Variants in CCDC127 observed in about 807,000 individuals in gnomAD.
The protein encoded by CCDC127 is coiled-coil domain containing 127, also known as coiled-coil domain-containing protein 127.
CCDC127 carries 2 observed loss-of-function variants against 4.1 expected under a neutral mutation model. That is an observed-to-expected ratio of 0.49 (90% CI 0.20 to 1.53). CCDC127 has a LOEUF of 1.53. CCDC127 is among the 40% of genes most tolerant of loss of function. The probability of loss-of-function intolerance (pLI) is 0.23; values close to 1 mark genes in which losing one functional copy is unlikely to be tolerated. For missense variants in CCDC127, 271 were observed against 322.9 expected (o/e 0.84, Z 1.23); for synonymous variants, 98 against 120.4 (o/e 0.81, Z 1.22).
At position 202,988 on chromosome 5, in the gene CCDC127, T is replaced by C. The variant is rs1385141789; in HGVS notation, c.*2309A>G. On this transcript the variant is annotated 3_prime_UTR_variant, in exon 3 of 3. Coordinates refer to ENST00000296824, the MANE Select transcript of CCDC127 (RefSeq NM_145265.3). Reference sequence around the variant, plus strand: ...TGGCCCACACCTGTAATCCCAGTGCTGTGGGAGGCCGAGGTGGGGGCGGTG... The same window carrying C: ...TGGCCCACACCTGTAATCCCAGTGCCGTGGGAGGCCGAGGTGGGGGCGGTG... 1 of 152,186 alleles carries C rather than the reference T, an allele frequency of 6.6e-6. No homozygotes were observed. The allele number at this position is 152,186 out of a possible 1,614,324, so 9.4% of individuals were successfully genotyped here.
Position 197,318 on chromosome 5 carries a change from G to A in CCDC127, c.*7979C>T, listed in dbSNP as rs116577602. ...TCTCTCTCAACTGCAAGAGGCTTTC[G>A]TCTTTTACTAACCCATGTCAGCACA... On this transcript the variant is annotated 3_prime_UTR_variant, in exon 3 of 3. Transcript: ENST00000296824. The A allele has an allele frequency of 5.3e-5, 8 of 152,166 alleles. No homozygotes were observed. The highest frequency in any genetic ancestry group is 1.3e-4 in the Admixed American group (2 of 15,278). The allele number at this position is 152,166 out of a possible 1,614,324, so 9.4% of individuals were successfully genotyped here.
intron 2 of CCDC127, among the ~76,000 whole-genome samples, chr5:211,283 C>G (rs1734281969): frequency 8.9e-6 from 1 of 112,846 alleles, no homozygotes; most frequent in Non-Finnish European, 1.8e-5. Flanking sequence ...GCAGTGTGAG[C>G]ACACTGATGC....
At chr5:210,762 G>A (rs1163294321) in intron 2 of CCDC127, among the ~76,000 whole-genome samples, 1 of 121,602 alleles carries the variant, frequency 8.2e-6, no homozygotes, top group African/African-American at 3.3e-5. Flanking sequence ...TGAGATGCTC[G>A]ACATTGCACA....
At chr5:206,028 T>C in intron 2 of CCDC127, 70 bp from the exon 3 acceptor site, 1 of 1,362,068 alleles carries the variant, frequency 7.3e-7, no homozygotes, top group Admixed American at 2.1e-5. Flanking sequence ...CTCACTTAAA[T>C]CATAAGGCAG....
chr5:217,852 G>A (rs1173711719), intron 1 of CCDC127, among the ~76,000 whole-genome samples: 1 of 152,226 alleles, frequency 6.6e-6, no homozygotes, highest in Non-Finnish European at 1.5e-5. Context: ...TTGTTTACAT[G>A]TGACCTCCAC....
At chr5:210,520 C>T (rs1363209592) in intron 2 of CCDC127, among the ~76,000 whole-genome samples, 1 of 152,180 alleles carries the variant, frequency 6.6e-6, no homozygotes, top group Non-Finnish European at 1.5e-5. Context: ...ACGCTGATGG[C>T]AATGAGCACG....
chr5:205,395 G>GGC lies in CCDC127; in HGVS notation c.683_684dup (p.Gln229AlafsTer20). 2 of 1,614,218 alleles carry GGC rather than the reference G, an allele frequency of 1.2e-6. No individual in the cohort carries two copies. Among genetic ancestry groups the GGC allele is most frequent in the Non-Finnish European group, 1.7e-6 (2 of 1,180,048 alleles). On this transcript the variant is annotated frameshift_variant, in exon 3 of 3. Transcript: ENST00000296824. LOFTEE classifies it high-confidence loss of function. ...TAGAGCCACATGAGTCTGCCATTCT[G>GGC]GCGTTTGTTGGTGTTCCAGACATCA...
rs988802950 is a variant in CCDC127, at chr5:202,196, C to A, written c.*3101G>T. The A allele has an allele frequency of 6.6e-6, 1 of 152,280 alleles. No individual in the cohort carries two copies. Among genetic ancestry groups the A allele is most frequent in the Non-Finnish European group, 1.5e-5 (1 of 68,064 alleles). 9.4% of individuals were successfully genotyped at this position (152,280 alleles called of 1,614,324 possible). A position where few individuals can be genotyped will look rare whatever the true frequency, so the allele number is the denominator to read the frequency against. On this transcript the variant is annotated 3_prime_UTR_variant, in exon 3 of 3. Transcript: ENST00000296824. ...TAACTATTCCAAACCGACCACAATC[C>A]ATTTCAAAAGAGGGTGGCCTCACAT...
chr5:205,491 C>T lies in CCDC127; in HGVS notation c.589G>A (p.Asp197Asn), dbSNP rs144601308. The T allele has an allele frequency of 1.6e-5, 26 of 1,613,820 alleles. No individual in the cohort carries two copies. The highest frequency in any genetic ancestry group is 5.0e-5 in the Admixed American group (3 of 60,010). Residue 197 changes from aspartate to asparagine, a missense_variant, in exon 3 of 3, where the codon GAC (aspartate) becomes AAC (asparagine). Asp to Asn is a conservative substitution (Grantham distance 23). Transcript: ENST00000296824. ...ATCTCTAGGTCAGCGGCGACGGGGT[C>T]GACGGACGCTCGCACCAGTAAGCTC... ...EKSLLVRASV[D>N]PVAADLEMAA...
In CCDC127 at chr5:197,605, C is replaced by T. The variant is rs1733990140; in HGVS notation, c.*7692G>A. On this transcript the variant is annotated 3_prime_UTR_variant, in exon 3 of 3. Coordinates refer to ENST00000296824, the MANE Select transcript of CCDC127 (RefSeq NM_145265.3). ...CCCTAGATCCCTTAAACCTTGATTTCATACAACACATGTTTTTGTGAGCTC... is the reference window on the plus strand; with the variant it reads ...CCCTAGATCCCTTAAACCTTGATTTTATACAACACATGTTTTTGTGAGCTC... 6.6e-6 allele frequency: 1 copy of T among 152,384 alleles called. No individual in the cohort carries two copies. Among genetic ancestry groups the T allele is most frequent in the Non-Finnish European group, 1.5e-5 (1 of 68,170 alleles). 9.4% of individuals were successfully genotyped at this position (152,384 alleles called of 1,614,324 possible).
chr5:205,599 CTT>C lies in CCDC127; in HGVS notation c.479_480del (p.Lys160ArgfsTer3). 6.2e-7 allele frequency: 1 copy of C among 1,614,238 alleles called. No individual in the cohort carries two copies. The highest frequency in any genetic ancestry group is 8.5e-7 in the Non-Finnish European group (1 of 1,180,046). On this transcript the variant is annotated frameshift_variant, in exon 3 of 3. Coordinates refer to ENST00000296824, the MANE Select transcript of CCDC127 (RefSeq NM_145265.3). LOFTEE classifies it low-confidence loss of function (END_TRUNC). ...CTTTCTGTGAGAACAGCTTCAAATT[CTT>C]TCAGCAAAAGCCTGGCTCTCCTTTG... Reference protein sequence around the residue: ...NWQRRARLLLKEFEAVLTERQ... With the variant: ...NWQRRARLLLXEFEAVLTERQ...
At chr5:208,973 G>A (rs1734231737) in intron 2 of CCDC127, among the ~76,000 whole-genome samples, 1 of 131,424 alleles carries the variant, frequency 7.6e-6, no homozygotes, top group African/African-American at 3.5e-5. Flanking sequence ...CAGAGCAGCT[G>A]CCATGACAGA....
intron 2 of CCDC127, among the ~76,000 whole-genome samples, chr5:210,401 G>A (rs1026606707): frequency 1.3e-5 from 2 of 152,014 alleles, no homozygotes; most frequent in Admixed American, 6.6e-5. Flanking sequence ...ATGCAACTAA[G>A]GACTAGAATC....
chr5:201,521 C>T lies in CCDC127; in HGVS notation c.*3776G>A, dbSNP rs1734076098. On this transcript the variant is annotated 3_prime_UTR_variant, in exon 3 of 3. Coordinates refer to ENST00000296824, the MANE Select transcript of CCDC127 (RefSeq NM_145265.3). Reference sequence around the variant, plus strand: ...AATTTTGTCCTTATGAAATCAACACCTGCCAGTTCACACATACACACACAT... The same window carrying T: ...AATTTTGTCCTTATGAAATCAACACTTGCCAGTTCACACATACACACACAT... The T allele has an allele frequency of 1.3e-5, 2 of 152,152 alleles. No individual in the cohort carries two copies. The highest frequency in any genetic ancestry group is 4.8e-5 in the African/African-American group (2 of 41,420). 9.4% of individuals were successfully genotyped at this position (152,152 alleles called of 1,614,324 possible). A position where few individuals can be genotyped will look rare whatever the true frequency, so the allele number is the denominator to read the frequency against.
rs1734089610 is a variant in CCDC127 at position 202,409 on chromosome 5, AC to A, written c.*2887del. 2.0e-5 allele frequency: 3 copies of A among 152,274 alleles called. No individual in the cohort carries two copies. Among genetic ancestry groups the A allele is most frequent in the Admixed American group, 2.0e-4 (3 of 15,286 alleles). The allele number at this position is 152,274 out of a possible 1,614,324, so 9.4% of individuals were successfully genotyped here. ...AGGCCATCCTGGCCAACATGGTGAAACCCTGTCTCTACTAAACATACAAAAA... is the reference window on the plus strand; with the variant it reads ...AGGCCATCCTGGCCAACATGGTGAAACCTGTCTCTACTAAACATACAAAAA... On this transcript the variant is annotated 3_prime_UTR_variant, in exon 3 of 3. Transcript: ENST00000296824.
At chr5:207,567 G>C (rs1313838943) in intron 2 of CCDC127, among the ~76,000 whole-genome samples, 12 of 152,192 alleles carry the variant, frequency 7.9e-5, no homozygotes, top group Non-Finnish European at 1.5e-5. Context: ...AACGAGCAAG[G>C]CAGGCGAGAG....
chr5:211,319 C>T (rs368288063), intron 2 of CCDC127, among the ~76,000 whole-genome samples: 4,885 of 27,884 alleles, frequency 0.18, no homozygotes, highest in South Asian at 0.26. Flanking sequence ...GCAGCCACGA[C>T]GAGACAGCAC....
At chr5:212,464 T>C (rs1477175458) in intron 2 of CCDC127, among the ~76,000 whole-genome samples, 10 of 18,126 alleles carry the variant, frequency 5.5e-4, no homozygotes, top group Non-Finnish European at 6.6e-4. Context: ...TGCTCGACAT[T>C]GCACACTGCA....
Position 201,565 on chromosome 5 carries a change from T to G in CCDC127, c.*3732A>C, listed in dbSNP as rs1178410134. 1 of 152,102 alleles carries G rather than the reference T, an allele frequency of 6.6e-6. No individual in the cohort carries two copies. The highest frequency in any genetic ancestry group is 2.4e-5 in the African/African-American group (1 of 41,408). 9.4% of individuals were successfully genotyped at this position (152,102 alleles called of 1,614,324 possible). On this transcript the variant is annotated 3_prime_UTR_variant, in exon 3 of 3. Coordinates refer to ENST00000296824, the MANE Select transcript of CCDC127 (RefSeq NM_145265.3). ...CACACATATGCACGCATATGAAATA[T>G]ATATGCAAATTATATATCCTTATGG...
Sources: allele counts gnomAD v4.1 joint callset (sites outside exome capture counted in the v4.1 genomes callset), GRCh38; gene constraint gnomAD v4.1.1; transcripts MANE v1.5; gene names NCBI Gene and HGNC (gene_info 2026-07-23, HGNC 2026-07-21).